Variants in ABCC9 observed in about 807,000 individuals in gnomAD.
ABCC9 encodes ATP binding cassette subfamily C member 9.
ABCC9 carries 95 observed loss-of-function variants against 188.3 expected under a neutral mutation model. The ratio of observed to expected loss-of-function variants is 0.50; its 90% CI spans 0.43 to 0.60. ABCC9 has a LOEUF of 0.60. ABCC9 is among the 20% of genes least tolerant of loss of function. The pLI, the probability that ABCC9 is intolerant of heterozygous loss-of-function variation, is 0.00. For missense variants in ABCC9, 1,102 were observed against 1,876.3 expected, an observed-to-expected ratio of 0.59 and a Z score of 7.62; for synonymous variants, 659 against 652.7, an observed-to-expected ratio of 1.01 and a Z score of -0.15.
At position 21,941,027 on chromosome 12, in the gene ABCC9, G is replaced by A. The variant is rs1949663692; in HGVS notation, c.-137+173C>T. On this transcript the variant is annotated intron_variant, in intron 1 of 39. Transcript: ENST00000261200. This position sits in a 1 kb window ranked among gnomAD's most constrained non-coding sequence, Gnocchi z 5.4. ...TCCCCACCCCTTCACTTCTCGAGCC[G>A]GGCCTCGTCCCTTAATTCTAGAAAT... Among the ~76,000 whole-genome samples the A allele has an allele frequency of 1.3e-5, 2 of 152,118 alleles. No homozygotes were observed. Among genetic ancestry groups the A allele is most frequent in the Non-Finnish European group, 2.9e-5 (2 of 68,034 alleles).
At chr12:21,879,665 A>G (rs1365359606) in intron 16 of ABCC9, among the ~76,000 whole-genome samples, 1 of 152,054 alleles carries the variant, frequency 6.6e-6, no homozygotes, top group Non-Finnish European at 1.5e-5. Flanking sequence ...CACACAGACC[A>G]TTGTCCATTT....
chr12:21,906,499 A>G (rs1251647364), intron 11 of ABCC9, among the ~76,000 whole-genome samples: 2 of 152,056 alleles, frequency 1.3e-5, no homozygotes, highest in African/African-American at 4.8e-5. Flanking sequence ...ATTTCTTTCC[A>G]CCTAAAAACA....
At chr12:21,881,558 G>A (rs1170542281) in intron 16 of ABCC9, among the ~76,000 whole-genome samples, 1 of 151,910 alleles carries the variant, frequency 6.6e-6, no homozygotes, top group Non-Finnish European at 1.5e-5. Context: ...TTAAAAACTG[G>A]CCCTGTTTTT....
intron 31 of ABCC9, among the ~76,000 whole-genome samples, chr12:21,822,886 C>T (rs1220798843): frequency 1.3e-5 from 2 of 151,834 alleles, no homozygotes; most frequent in African/African-American, 2.4e-5. Context: ...AGTGACCCTA[C>T]GGTTACATCT....
intron 12 of ABCC9, among the ~76,000 whole-genome samples, chr12:21,903,501 C>T (rs941057096): frequency 6.6e-6 from 1 of 152,168 alleles, no homozygotes; most frequent in Non-Finnish European, 1.5e-5. Context: ...TCCCTGTTTG[C>T]AGATGACATG....
At chr12:21,927,674 G>T (rs1305961967) in intron 4 of ABCC9, among the ~76,000 whole-genome samples, 1 of 152,168 alleles carries the variant, frequency 6.6e-6, no homozygotes, top group Non-Finnish European at 1.5e-5. Flanking sequence ...GACATTTATG[G>T]ATTGTGAAGG....
chr12:21,833,053 A>C (rs1313225518), intron 30 of ABCC9, among the ~76,000 whole-genome samples: 1 of 152,194 alleles, frequency 6.6e-6, no homozygotes, highest in Non-Finnish European at 1.5e-5. Flanking sequence ...GTTCTCATTT[A>C]TAAGTGGGAG....
At chr12:21,808,672 G>A (rs2137125398) in intron 37 of ABCC9, among the ~76,000 whole-genome samples, 1 of 151,350 alleles carries the variant, frequency 6.6e-6, no homozygotes, top group Admixed American at 6.6e-5. Context: ...GGAGGCTGAG[G>A]TAGGAGGATC....
At position 21,895,256 on chromosome 12, in the gene ABCC9, G is replaced by A. The variant is rs777415580; in HGVS notation, c.1659+19C>T. 6.2e-7 allele frequency: 1 copy of A among 1,607,046 alleles called. No homozygotes were observed. Among genetic ancestry groups the A allele is most frequent in the South Asian group, 1.1e-5 (1 of 90,902 alleles). The stretch of plus-strand genomic sequence containing the variant: ...CACTGACTTGGTTTCATTTCTAAAA[G>A]AGAGAAAAAGTGTCTTACAGCAAGA... On this transcript the variant is annotated intron_variant, in intron 13 of 39. Coordinates refer to ENST00000261200, the MANE Select transcript of ABCC9 (RefSeq NM_020297.4).
chr12:21,910,126 A>G (rs1007728189), intron 10 of ABCC9, 31 bp downstream of exon 10: 1 of 1,590,050 alleles, frequency 6.3e-7, no homozygotes, highest in African/African-American at 1.3e-5. Context: ...TCCTCTGCAG[A>G]CAAAAATCTT....
At chr12:21,865,093 C>A (rs1220634741) in intron 18 of ABCC9, among the ~76,000 whole-genome samples, 2 of 152,010 alleles carry the variant, frequency 1.3e-5, no homozygotes, top group Non-Finnish European at 2.9e-5. Context: ...AGGAAAGACA[C>A]CTGAAGACCT....
chr12:21,936,579 G>C lies in ABCC9; in HGVS notation c.96C>G (p.Val32=). Residue 32 remains valine, a synonymous_variant, in exon 3 of 40, where the codon GTC becomes GTG. Transcript: ENST00000261200. The part of the protein sequence containing the change: ...NSCFVDALNL[V]PHVFLLFITF... ...TGATAAACAACAGAAAGACATGAGG[G>C]ACCAGGTTGAGGGCATCCACAAAGC... The C allele has an allele frequency of 6.2e-7, 1 of 1,613,070 alleles. No individual in the cohort carries two copies. Among genetic ancestry groups the C allele is most frequent in the Non-Finnish European group, 8.5e-7 (1 of 1,179,352 alleles).
In ABCC9 at chr12:21,859,578, A is replaced by G. The variant is rs762638662; in HGVS notation, c.2505+8T>C. ...AAATAGAAATAAAAGGGAAGGCCAT[A>G]TTCTTACCAAAAAGACAATGTTGGT... On this transcript the variant is annotated splice_region_variant and intron_variant, in intron 22 of 39. Coordinates refer to ENST00000261200, the MANE Select transcript of ABCC9 (RefSeq NM_020297.4). The G allele has an allele frequency of 2.5e-6, 4 of 1,613,158 alleles. No homozygotes were observed. In the African/African-American group the frequency reaches 5.3e-5, roughly 22 times the overall value.
rs751892751 is a variant in ABCC9, at chr12:21,852,218, A to G, written c.2648T>C (p.Ile883Thr). 2 of 1,613,840 alleles carry G rather than the reference A, an allele frequency of 1.2e-6. No individual in the cohort carries two copies. The highest frequency in any genetic ancestry group is 1.7e-6 in the Non-Finnish European group (2 of 1,179,928). ...LQYLTHADWI[I>T]AMKDGSVLRE... is the part of the protein sequence containing the mutation. ...TAGGACACTTCCATCTTTCATGGCT[A>G]TGATCTAAGGAAAGCGGATATTCCC... The change falls in exon 24 of 40, where the codon ATA becomes ACA. Residue 883 changes from isoleucine (I) to threonine (T), a missense_variant. By Grantham distance (89) the Ile-to-Thr change is moderately conservative. This residue lies in a region of ABCC9 where 131 missense variants were observed against 170.2 expected (regional missense o/e 0.77). Transcript: ENST00000261200.
chr12:21,882,817 C>T lies in ABCC9; in HGVS notation c.1968G>A (p.Glu656=), dbSNP rs1946686652. ...QPGRYHLDSY[E]QSTRRLRPAE... ...CGGGACGTAGACGCCGTGTTGATTG[C>T]TCATAGCTGTCCAGGTGATATCTTC... is the stretch of plus-strand genomic sequence containing the variant. Residue 656 remains glutamate (E), a synonymous_variant, in exon 16 of 40, where the codon GAG becomes GAA. Transcript: ENST00000261200. 1.9e-6 allele frequency: 3 copies of T among 1,614,030 alleles called. No homozygotes were observed. The highest frequency in any genetic ancestry group is 2.2e-5 in the East Asian group (1 of 44,870).
intron 12 of ABCC9, among the ~76,000 whole-genome samples, chr12:21,905,090 A>G (rs1165711689): frequency 2.0e-5 from 3 of 152,218 alleles, no homozygotes; most frequent in Non-Finnish European, 4.4e-5. Context: ...ATGGAATACT[A>G]TGCAGCCATA....
intron 5 of ABCC9, among the ~76,000 whole-genome samples, chr12:21,921,335 C>A (rs989682383): frequency 6.6e-6 from 1 of 151,904 alleles, no homozygotes; most frequent in Admixed American, 6.6e-5. Context: ...ATATTGAGCA[C>A]CTTTTAATAC....
At chr12:21,905,712 G>C (rs1335731871) in intron 12 of ABCC9, among the ~76,000 whole-genome samples, 1 of 152,114 alleles carries the variant, frequency 6.6e-6, no homozygotes, top group Non-Finnish European at 1.5e-5. Context: ...TCGTCATGTA[G>C]TCAAATCAAT....
intron 33 of ABCC9, 34 bp from the exon 34 acceptor site, chr12:21,815,927 A>G (rs778779155): frequency 6.3e-7 from 1 of 1,583,860 alleles, no homozygotes; most frequent in Non-Finnish European, 8.7e-7. Context: ...GACAGATAAT[A>G]GGCAGATAGA....
Sources: gnomAD v4.1 joint callset for allele counts (sites outside exome capture counted in the v4.1 genomes callset) on GRCh38, gnomAD v4.1.1 for gene constraint, gnomAD v4.1.1 regional missense constraint, Gnocchi (gnomAD v3.1) non-coding constraint, MANE v1.5 for transcripts, NCBI Gene and HGNC (gene_info 2026-07-23, HGNC 2026-07-21) for gene names.